The following FRRS1L variants were observed in gnomAD, a reference collection of about 807,000 sequenced individuals.
FRRS1L encodes the protein ferric chelate reductase 1 like.
FRRS1L carries 22 observed loss-of-function variants against 28.6 expected under a neutral mutation model. The observed-to-expected ratio is 0.77, with a 90% CI of 0.55 to 1.10. The LOEUF (loss-of-function observed/expected upper bound fraction) is 1.10. Ranked by LOEUF, FRRS1L falls within the 50% of genes least tolerant of loss-of-function variation. The probability of loss-of-function intolerance (pLI) is 0.00; values close to 1 mark genes in which losing one functional copy is unlikely to be tolerated. For missense variants in FRRS1L, 380 were observed against 386.9 expected (o/e 0.98, Z 0.15); for synonymous variants, 158 against 151.4 (o/e 1.04, Z -0.32).
chr9:109,132,350 C>T lies in FRRS1L; in HGVS notation c.*5105G>A, dbSNP rs1465928359. On this transcript the variant is annotated 3_prime_UTR_variant, in exon 5 of 5. Transcript: ENST00000561981. Reference sequence around the variant, plus strand: ...GAAATCCTTACCATGAAGAGCAGTTCAGCGCAATGGTTGTCCATGATCACC... The same window carrying T: ...GAAATCCTTACCATGAAGAGCAGTTTAGCGCAATGGTTGTCCATGATCACC... 1 of 152,202 alleles carries T rather than the reference C, an allele frequency of 6.6e-6. No individual in the cohort carries two copies. The highest frequency in any genetic ancestry group is 1.5e-5 in the Non-Finnish European group (1 of 68,050). The allele number at this position is 152,202 out of a possible 1,614,324, so 9.4% of individuals were successfully genotyped here. A position where few individuals can be genotyped will look rare whatever the true frequency, so the allele number is the denominator to read the frequency against.
intron 1 of FRRS1L, chr9:109,149,986 C>A: frequency 2.8e-6 from 1 of 359,328 alleles, no homozygotes. Flanking sequence ...GAGAGAGGCA[C>A]AATTTCATAT....
chr9:109,164,352 C>T (rs1831519510), intron 1 of FRRS1L, among the ~76,000 whole-genome samples: 1 of 150,456 alleles, frequency 6.6e-6, no homozygotes, highest in Admixed American at 6.6e-5. Flanking sequence ...CCAGGGAGGA[C>T]ATTTCAGATA....
chr9:109,162,875 C>T (rs1429227445), intron 1 of FRRS1L, among the ~76,000 whole-genome samples: 2 of 152,184 alleles, frequency 1.3e-5, no homozygotes, highest in Non-Finnish European at 2.9e-5. Flanking sequence ...GTGATCAGAA[C>T]TCAATGGTCA....
intron 1 of FRRS1L, among the ~76,000 whole-genome samples, chr9:109,166,633 C>T (rs1331932818): frequency 6.6e-6 from 1 of 152,056 alleles, no homozygotes; most frequent in Non-Finnish European, 1.5e-5. Context: ...CCTTGCAGAA[C>T]TTGGATGACC....
chr9:109,156,690 T>C (rs1460715760), intron 1 of FRRS1L, among the ~76,000 whole-genome samples: 1 of 95,816 alleles, frequency 1.0e-5, no homozygotes, highest in East Asian at 3.3e-4. Flanking sequence ...CACCTGGATG[T>C]TTTTTTTTTT....
At chr9:109,161,521 A>C (rs1297989943) in intron 1 of FRRS1L, among the ~76,000 whole-genome samples, 1 of 150,986 alleles carries the variant, frequency 6.6e-6, no homozygotes, top group South Asian at 2.1e-4. Context: ...TAATCCCTTC[A>C]TTTATTGCTG....
chr9:109,156,470 C>G (rs1368733183), intron 1 of FRRS1L, among the ~76,000 whole-genome samples: 2 of 152,132 alleles, frequency 1.3e-5, no homozygotes, highest in Non-Finnish European at 2.9e-5. Flanking sequence ...CTCACTGCAA[C>G]CTCCACCTCC....
rs1182903305 is a variant in FRRS1L, at chr9:109,135,518, T to C, written c.*1937A>G. The C allele has an allele frequency of 6.6e-6, 1 of 152,226 alleles. No individual in the cohort carries two copies. The highest frequency in any genetic ancestry group is 2.4e-5 in the African/African-American group (1 of 41,472). 9.4% of individuals were successfully genotyped at this position (152,226 alleles called of 1,614,324 possible). On this transcript the variant is annotated 3_prime_UTR_variant, in exon 5 of 5. Coordinates refer to ENST00000561981, the MANE Select transcript of FRRS1L (RefSeq NM_014334.4). ...AGGCTGGAGTGCAAGTGGCACAATT[T>C]TGGCTCACTGCAAGCTCTGCCTCCA...
rs1444164184 is a variant in FRRS1L at position 109,136,880 on chromosome 9, C to T, written c.*575G>A. The T allele has an allele frequency of 6.6e-6, 1 of 152,156 alleles. No homozygotes were observed. Among genetic ancestry groups the T allele is most frequent in the Admixed American group, 6.6e-5 (1 of 15,250 alleles). 9.4% of individuals were successfully genotyped at this position (152,156 alleles called of 1,614,324 possible). A position where few individuals can be genotyped will look rare whatever the true frequency, so the allele number is the denominator to read the frequency against. On this transcript the variant is annotated 3_prime_UTR_variant, in exon 5 of 5. Coordinates refer to ENST00000561981, the MANE Select transcript of FRRS1L (RefSeq NM_014334.4). ...TCATTGTATTTTCCTCCAATCTCCC[C>T]ATTGGCTGTGTAAATATCCAAAAGC...
rs1203770096 is a variant in FRRS1L, at chr9:109,135,142, C to T, written c.*2313G>A. 1 of 152,220 alleles carries T rather than the reference C, an allele frequency of 6.6e-6. No homozygotes were observed. Among genetic ancestry groups the T allele is most frequent in the Non-Finnish European group, 1.5e-5 (1 of 68,046 alleles). 9.4% of individuals were successfully genotyped at this position (152,220 alleles called of 1,614,324 possible). A position where few individuals can be genotyped will look rare whatever the true frequency, so the allele number is the denominator to read the frequency against. On this transcript the variant is annotated 3_prime_UTR_variant, in exon 5 of 5. Coordinates refer to ENST00000561981, the MANE Select transcript of FRRS1L (RefSeq NM_014334.4). ...AGAATGTGAAAGCTCTCCCCACAGG[C>T]AGACTTTCACCTGTGACATGAATCT... is the stretch of plus-strand genomic sequence containing the variant.
intron 2 of FRRS1L, among the ~76,000 whole-genome samples, chr9:109,148,952 T>G (rs1469096052): frequency 6.6e-6 from 1 of 152,216 alleles, no homozygotes; most frequent in African/African-American, 2.4e-5. Context: ...CCTTAAGTAC[T>G]GAACAACAGC....
intron 2 of FRRS1L, 65 bp from the exon 3 acceptor site, chr9:109,147,254 T>A: frequency 7.6e-7 from 1 of 1,319,348 alleles, no homozygotes; most frequent in East Asian, 2.3e-5. Flanking sequence ...AGAGAGCATC[T>A]ACCATGTATC....
chr9:109,148,116 G>A (rs1444540152), intron 2 of FRRS1L: 1 of 151,978 alleles, frequency 6.6e-6, no homozygotes, highest in South Asian at 2.1e-4. Context: ...CTACAGGCAT[G>A]GGTCACCACA....
intron 3 of FRRS1L, among the ~76,000 whole-genome samples, chr9:109,144,787 G>A (rs186726167): frequency 7.9e-4 from 120 of 151,406 alleles, no homozygotes; most frequent in African/African-American, 2.2e-3. Flanking sequence ...GGGTTCAAGC[G>A]ATTCTCCCGC....
At chr9:109,153,484 C>G (rs148513319) in intron 1 of FRRS1L, among the ~76,000 whole-genome samples, 5 of 152,346 alleles carry the variant, frequency 3.3e-5, no homozygotes, top group Non-Finnish European at 5.9e-5. Flanking sequence ...GGGAGCCTCT[C>G]AGACCTCACC....
At chr9:109,159,873 A>C (rs929772342) in intron 1 of FRRS1L, among the ~76,000 whole-genome samples, 1 of 152,310 alleles carries the variant, frequency 6.6e-6, no homozygotes, top group Non-Finnish European at 1.5e-5. Flanking sequence ...CCCAACCTGC[A>C]GACTGTGGAA....
intron 1 of FRRS1L, among the ~76,000 whole-genome samples, 183 bp downstream of exon 1, chr9:109,166,718 C>T (rs1007408046): frequency 1.3e-5 from 2 of 152,020 alleles, no homozygotes; most frequent in Admixed American, 6.6e-5. Flanking sequence ...GGCCTTTCCT[C>T]CAGGCCGGCG....
Position 109,167,087 on chromosome 9 carries a change from G to T in FRRS1L, c.52C>A (p.Leu18Met). 2 of 1,181,608 alleles carry T rather than the reference G, an allele frequency of 1.7e-6. No homozygotes were observed. The highest frequency in any genetic ancestry group is 1.0e-6 in the Non-Finnish European group (1 of 957,692). The allele number at this position is 1,181,608 out of a possible 1,614,324, so 73.2% of individuals were successfully genotyped here. ...HPGVWASLLL[L>M]LLTGPAACAA... Reference sequence around the variant, plus strand: ...CAGGCGGCGGGCCCCGTCAGTAGCAGCAGGAGCAGCGACGCCCAGACCCCC... The same window carrying T: ...CAGGCGGCGGGCCCCGTCAGTAGCATCAGGAGCAGCGACGCCCAGACCCCC... The change falls in exon 1 of 5, where the codon CTG becomes ATG. Residue 18 changes from leucine to methionine, a missense_variant. Transcript: ENST00000561981.
rs1831097117 is a variant in FRRS1L, at chr9:109,135,058, T to C, written c.*2397A>G. 1 of 152,252 alleles carries C rather than the reference T, an allele frequency of 6.6e-6. No individual in the cohort carries two copies. Among genetic ancestry groups the C allele is most frequent in the African/African-American group, 2.4e-5 (1 of 41,470 alleles). 9.4% of individuals were successfully genotyped at this position (152,252 alleles called of 1,614,324 possible). A position where few individuals can be genotyped will look rare whatever the true frequency, so the allele number is the denominator to read the frequency against. ...AACAGAATTTCTCCTCCATCCCTCC[T>C]TGGAAGCTTTTGGTAACTGTGTTTG... On this transcript the variant is annotated 3_prime_UTR_variant, in exon 5 of 5. Coordinates refer to ENST00000561981, the MANE Select transcript of FRRS1L (RefSeq NM_014334.4).
Sources: gnomAD v4.1 joint callset for allele counts (sites outside exome capture counted in the v4.1 genomes callset) on GRCh38, gnomAD v4.1.1 for gene constraint, MANE v1.5 for transcripts, NCBI Gene and HGNC (gene_info 2026-07-23, HGNC 2026-07-21) for gene names.